MACROD2: variants seen among roughly 807,000 people sequenced by gnomAD.
MACROD2 encodes the protein mono-ADP ribosylhydrolase 2, also known as ADP-ribose glycohydrolase MACROD2.
In MACROD2, 36 loss-of-function variants were observed where a neutral mutation model predicts 70.4. That is an observed-to-expected ratio of 0.51 (90% CI 0.39 to 0.68). MACROD2 has a LOEUF of 0.68. Among genes scored for constraint, MACROD2 ranks in the 30% least tolerant of loss-of-function variants. The pLI, the probability that MACROD2 is intolerant of heterozygous loss-of-function variation, is 0.00. For synonymous variants in MACROD2, 172 were observed against 178.8 expected (o/e 0.96, Z 0.30); for missense variants, 496 against 538.4 (o/e 0.92, Z 0.78).
intron 8 of MACROD2, among the ~76,000 whole-genome samples, chr20:15,699,939 C>T (rs564374462): frequency 5.1e-4 from 77 of 152,260 alleles, no homozygotes; most frequent in African/African-American, 1.6e-3. Context: ...TCTGCTGCTT[C>T]TTCTACCCTC....
intron 5 of MACROD2, among the ~76,000 whole-genome samples, chr20:14,763,369 T>C (rs1256265037): frequency 6.6e-6 from 1 of 152,056 alleles, no homozygotes; most frequent in Non-Finnish European, 1.5e-5. Flanking sequence ...TCTGGATGGA[T>C]TTGGATTTCT....
At chr20:14,789,793 A>T (rs970335136) in intron 5 of MACROD2, among the ~76,000 whole-genome samples, 2 of 151,856 alleles carry the variant, frequency 1.3e-5, no homozygotes, top group African/African-American at 4.8e-5. Context: ...GCAAATTCTG[A>T]TGCAAACTTA....
chr20:15,325,805 A>G (rs1374745883), intron 6 of MACROD2, among the ~76,000 whole-genome samples: 1 of 152,156 alleles, frequency 6.6e-6, no homozygotes, highest in Non-Finnish European at 1.5e-5. Flanking sequence ...GTTTTGGAAG[A>G]TGGTTGCAGG....
chr20:15,249,654 ATTAGT>A (rs1289147841), intron 6 of MACROD2, among the ~76,000 whole-genome samples: 1 of 152,240 alleles, frequency 6.6e-6, no homozygotes, highest in Non-Finnish European at 1.5e-5. Flanking sequence ...CCTGGTAACT[ATTAGT>A]TTAAAGGCAG....
rs1232857992 is a variant in MACROD2 at position 15,209,560 on chromosome 20, C to A, written c.419-20380C>A. Among the ~76,000 whole-genome samples, 4 of 152,124 alleles carry A rather than the reference C, an allele frequency of 2.6e-5. No homozygotes were observed. In the East Asian group the frequency reaches 7.7e-4, roughly 29 times the overall value. ...ATCCTAGTGTCTCTGAAATTCTAAT[C>A]TTCTTTTGTAGGACAGGTTACGCCC... On this transcript the variant is annotated intron_variant, in intron 5 of 17. Coordinates refer to ENST00000684519, the MANE Select transcript of MACROD2 (RefSeq NM_001351661.2).
At chr20:15,691,574 G>A (rs2050299742) in intron 8 of MACROD2, among the ~76,000 whole-genome samples, 1 of 152,200 alleles carries the variant, frequency 6.6e-6, no homozygotes, top group South Asian at 2.1e-4. Flanking sequence ...TGGCTCATGA[G>A]AAATTGGGGA....
chr20:15,096,651 A>G (rs923092729), intron 5 of MACROD2, among the ~76,000 whole-genome samples: 1 of 150,946 alleles, frequency 6.6e-6, no homozygotes, highest in African/African-American at 2.4e-5. Flanking sequence ...AGCTGAGACT[A>G]TAGATGTGCA....
chr20:14,008,624 A>C (rs1165242859), intron 2 of MACROD2, among the ~76,000 whole-genome samples: 1 of 152,190 alleles, frequency 6.6e-6, no homozygotes, highest in Non-Finnish European at 1.5e-5. Flanking sequence ...ACTACTTTAA[A>C]ATTCATATGG....
At chr20:15,130,338 G>A (rs545533468) in intron 5 of MACROD2, among the ~76,000 whole-genome samples, 13 of 151,910 alleles carry the variant, frequency 8.6e-5, no homozygotes, top group African/African-American at 2.7e-4. Flanking sequence ...ATCTAGCAAA[G>A]GAAGCAGATC....
chr20:15,861,686 C>A (rs2064426216), intron 8 of MACROD2, among the ~76,000 whole-genome samples: 1 of 152,122 alleles, frequency 6.6e-6, no homozygotes, highest in Non-Finnish European at 1.5e-5. Flanking sequence ...TTGTTTATAA[C>A]CCAGCCCCTA....
At chr20:15,081,240 T>G (rs1255334387) in intron 5 of MACROD2, among the ~76,000 whole-genome samples, 1 of 152,192 alleles carries the variant, frequency 6.6e-6, no homozygotes, top group Admixed American at 6.5e-5. Context: ...AAAGTTTTAT[T>G]GGAACACAGC....
chr20:15,703,340 T>C (rs918669104), intron 8 of MACROD2, among the ~76,000 whole-genome samples: 4 of 152,180 alleles, frequency 2.6e-5, no homozygotes, highest in Admixed American at 2.6e-4. Flanking sequence ...AGAATGGAGA[T>C]AGCAATGGGC....
At chr20:15,609,770 G>C (rs889614697) in intron 8 of MACROD2, among the ~76,000 whole-genome samples, 14 of 152,152 alleles carry the variant, frequency 9.2e-5, no homozygotes, top group African/African-American at 3.1e-4. Context: ...TTTATTAAAG[G>C]ATCAGCAGGG....
chr20:15,677,570 A>G (rs567751452), intron 8 of MACROD2, among the ~76,000 whole-genome samples: 20 of 152,190 alleles, frequency 1.3e-4, no homozygotes, highest in African/African-American at 4.8e-4. Flanking sequence ...GATAGAGAAG[A>G]GAACACTGGC....
At chr20:15,973,695 A>T (rs2066264354) in intron 13 of MACROD2, among the ~76,000 whole-genome samples, 1 of 152,166 alleles carries the variant, frequency 6.6e-6, no homozygotes, top group Non-Finnish European at 1.5e-5. Context: ...ATTGACTTAA[A>T]CTCAATAAAA....
intron 3 of MACROD2, among the ~76,000 whole-genome samples, chr20:14,342,875 G>T (rs1261960141): frequency 1.3e-5 from 2 of 151,958 alleles, no homozygotes; most frequent in Non-Finnish European, 2.9e-5. Flanking sequence ...TTCCCTGCCT[G>T]CCTGCCTGCT....
intron 6 of MACROD2, among the ~76,000 whole-genome samples, chr20:15,348,929 T>C (rs1449840546): frequency 2.0e-5 from 3 of 152,146 alleles, no homozygotes; most frequent in Admixed American, 2.0e-4. Context: ...TCACAGCCCA[T>C]TGTGTCAGTT....
intron 4 of MACROD2, among the ~76,000 whole-genome samples, chr20:14,513,140 C>CT (rs1189972449): frequency 6.6e-6 from 1 of 152,096 alleles, no homozygotes; most frequent in Non-Finnish European, 1.5e-5. Context: ...TGTGAGGTCT[C>CT]TTATTTGTTG....
At chr20:14,609,396 T>C (rs886487026) in intron 4 of MACROD2, among the ~76,000 whole-genome samples, 4 of 152,072 alleles carry the variant, frequency 2.6e-5, no homozygotes, top group Non-Finnish European at 5.9e-5. Flanking sequence ...TGCCACTTAC[T>C]GAGGAGGGGA....
Sources: gnomAD v4.1 joint callset for allele counts (sites outside exome capture counted in the v4.1 genomes callset) on GRCh38, gnomAD v4.1.1 for gene constraint, MANE v1.5 for transcripts, NCBI Gene and HGNC (gene_info 2026-07-23, HGNC 2026-07-21) for gene names.